Variants in SCAPER observed in about 807,000 individuals in gnomAD.
The protein encoded by SCAPER is S-phase cyclin A associated protein in the ER.
Under a neutral mutation model 182.2 loss-of-function variants are expected in SCAPER, and 98 were observed. The observed-to-expected ratio is 0.54, with a 90% confidence interval of 0.46 to 0.64. The LOEUF is 0.64. Among genes scored for constraint, SCAPER ranks in the 30% least tolerant of loss-of-function variants. The pLI is 0.00. For synonymous variants in SCAPER, 605 were observed against 564.6 expected, an observed-to-expected ratio of 1.07 and a Z score of -1.01; for missense variants, 1,432 against 1,690.0, an observed-to-expected ratio of 0.85 and a Z score of 2.68.
chr15:76,405,672 A>T (rs2044777161), intron 26 of SCAPER, among the ~76,000 whole-genome samples: 1 of 152,212 alleles, frequency 6.6e-6, no homozygotes, highest in Non-Finnish European at 1.5e-5. Flanking sequence ...GAATATTTTA[A>T]AACTATAAAA....
rs766483683 is a variant in SCAPER, at chr15:76,381,371, T to C, written c.3705+7A>G. On this transcript the variant is annotated splice_region_variant and intron_variant, in intron 28 of 31. Coordinates refer to ENST00000563290, the MANE Select transcript of SCAPER (RefSeq NM_020843.4). ...GGTTAACATCGATATAAACCAATACTTGGTACCTGAAAAGCAGGCAGATGA... is the reference window on the plus strand; with the variant it reads ...GGTTAACATCGATATAAACCAATACCTGGTACCTGAAAAGCAGGCAGATGA... 1.2e-6 allele frequency: 2 copies of C among 1,607,630 alleles called. No individual in the cohort carries two copies. The highest frequency in any genetic ancestry group is 1.1e-5 in the South Asian group (1 of 89,974).
At chr15:76,394,715 G>T (rs1425593022) in intron 27 of SCAPER, among the ~76,000 whole-genome samples, 2 of 152,036 alleles carry the variant, frequency 1.3e-5, no homozygotes, top group Non-Finnish European at 2.9e-5. Flanking sequence ...AAATTTTTGT[G>T]GGTACACAGT....
chr15:76,792,978 G>A (rs1434659503), intron 8 of SCAPER, among the ~76,000 whole-genome samples: 2 of 152,278 alleles, frequency 1.3e-5, no homozygotes, highest in African/African-American at 4.8e-5. Flanking sequence ...AGCTCACTCC[G>A]TATGTTTGTC....
At chr15:76,480,073 A>T (rs910092267) in intron 24 of SCAPER, among the ~76,000 whole-genome samples, 1 of 152,232 alleles carries the variant, frequency 6.6e-6, no homozygotes, top group Non-Finnish European at 1.5e-5. Context: ...AAAACAAAGA[A>T]GATGATTAGC....
At chr15:76,786,739 A>T (rs1384488081) in intron 8 of SCAPER, among the ~76,000 whole-genome samples, 1 of 152,230 alleles carries the variant, frequency 6.6e-6, no homozygotes, top group Non-Finnish European at 1.5e-5. Context: ...TTTTTAGATG[A>T]CATAATAGAA....
intron 8 of SCAPER, among the ~76,000 whole-genome samples, chr15:76,776,719 T>C (rs548639462): frequency 1.3e-5 from 2 of 151,902 alleles, no homozygotes; most frequent in South Asian, 2.1e-4. Context: ...CCCTCCTTAG[T>C]GTGAGGGTGG....
At chr15:76,460,210 A>C (rs1425488223) in intron 25 of SCAPER, among the ~76,000 whole-genome samples, 1 of 152,084 alleles carries the variant, frequency 6.6e-6, no homozygotes, top group Non-Finnish European at 1.5e-5. Context: ...ATGAGCATGG[A>C]TATCTTTCCT....
chr15:76,690,610 T>A (rs1266325698), intron 20 of SCAPER, among the ~76,000 whole-genome samples: 4 of 152,180 alleles, frequency 2.6e-5, no homozygotes, highest in African/African-American at 4.8e-5. Context: ...GCAAAGGGTA[T>A]ATAGAAATTC....
chr15:76,442,954 T>C (rs1401744610), intron 25 of SCAPER, among the ~76,000 whole-genome samples: 1 of 152,118 alleles, frequency 6.6e-6, no homozygotes, highest in Non-Finnish European at 1.5e-5. Context: ...GGAAATAATT[T>C]AAAAAACCAG....
intron 24 of SCAPER, among the ~76,000 whole-genome samples, chr15:76,482,884 T>C (rs988125336): frequency 6.6e-6 from 1 of 152,126 alleles, no homozygotes; most frequent in Non-Finnish European, 1.5e-5. Context: ...AGATATTCCA[T>C]ATTCATGGGT....
At chr15:76,715,285 A>C (rs2059829009) in intron 17 of SCAPER, among the ~76,000 whole-genome samples, 1 of 151,714 alleles carries the variant, frequency 6.6e-6, no homozygotes, top group Non-Finnish European at 1.5e-5. Flanking sequence ...CTGATGCAGT[A>C]CCCCCACCCC....
At chr15:76,580,736 A>G (rs1345745997) in intron 22 of SCAPER, among the ~76,000 whole-genome samples, 3 of 152,182 alleles carry the variant, frequency 2.0e-5, no homozygotes, top group African/African-American at 7.2e-5. Flanking sequence ...TAAAAAACCT[A>G]TAGCTACATC....
At chr15:76,439,644 C>T (rs569547407) in intron 25 of SCAPER, among the ~76,000 whole-genome samples, 2 of 152,324 alleles carry the variant, frequency 1.3e-5, no homozygotes, top group South Asian at 4.1e-4. Flanking sequence ...GTCCTTTGGG[C>T]AATGTGTGCA....
At position 76,348,578 on chromosome 15, in the gene SCAPER, T is replaced by C; in HGVS notation, c.*55A>G. The C allele has an allele frequency of 8.2e-7, 1 of 1,213,492 alleles. No homozygotes were observed. Among genetic ancestry groups the C allele is most frequent in the Admixed American group, 2.4e-5 (1 of 41,328 alleles). The allele number at this position is 1,213,492 out of a possible 1,614,324, so 75.2% of individuals were successfully genotyped here. A position where few individuals can be genotyped will look rare whatever the true frequency, so the allele number is the denominator to read the frequency against. ...CTTAAGGAACAATTAGAATGTTTGT[T>C]TGGACAATTTAAAATATTAACAAGG... On this transcript the variant is annotated 3_prime_UTR_variant, in exon 32 of 32. Transcript: ENST00000563290.
At chr15:76,687,274 C>T (rs552569722) in intron 20 of SCAPER, among the ~76,000 whole-genome samples, 11 of 151,878 alleles carry the variant, frequency 7.2e-5, no homozygotes, top group Non-Finnish European at 1.3e-4. Context: ...GTTATATATA[C>T]CCAGAGAGAA....
intron 20 of SCAPER, among the ~76,000 whole-genome samples, chr15:76,670,768 T>C (rs977457197): frequency 1.3e-5 from 2 of 152,236 alleles, no homozygotes; most frequent in Non-Finnish European, 2.9e-5. Context: ...AGGATGTTTC[T>C]TCTGTCCAGT....
At chr15:76,879,981 A>T (rs985528514) in intron 2 of SCAPER, among the ~76,000 whole-genome samples, 1 of 152,262 alleles carries the variant, frequency 6.6e-6, no homozygotes, top group African/African-American at 2.4e-5. Flanking sequence ...ATAAATATGT[A>T]TGAATAAATG....
In SCAPER at chr15:76,749,233, A is replaced by AT. The variant is rs375184243; in HGVS notation, c.1866+4574dup. Among the ~76,000 whole-genome samples the AT allele has an allele frequency of 2.6e-3, 403 of 152,218 alleles. 2 individuals are homozygous for AT. The highest frequency in any genetic ancestry group is 9.4e-3 in the African/African-American group (389 of 41,570). ...TGAAAATCAAGCAGTGAAATTCATC[A>AT]TTAAAAAAAAAATTTAATGGTATCT... On this transcript the variant is annotated intron_variant, in intron 15 of 31. Transcript: ENST00000563290.
intron 26 of SCAPER, among the ~76,000 whole-genome samples, chr15:76,415,940 G>GTATTTCATAA (rs2045614914): frequency 6.6e-6 from 1 of 152,112 alleles, no homozygotes; most frequent in African/African-American, 2.4e-5. Context: ...TATGTTGACA[G>GTATTTCATAA]TATTTCATAA....
Sources: allele counts gnomAD v4.1 joint callset (sites outside exome capture counted in the v4.1 genomes callset), GRCh38; gene constraint gnomAD v4.1.1; transcripts MANE v1.5; gene names NCBI Gene and HGNC (gene_info 2026-07-23, HGNC 2026-07-21).